The following ZFHX3 variants were observed in gnomAD, a reference collection of about 807,000 sequenced individuals.
ZFHX3 encodes zinc finger homeobox protein 3.
Under a neutral mutation model 279.1 loss-of-function variants are expected in ZFHX3, and 42 were observed. The observed-to-expected ratio is 0.15, with a 90% CI of 0.12 to 0.19. The LOEUF is 0.19. Among genes scored for constraint, ZFHX3 ranks in the 10% least tolerant of loss-of-function variants. The pLI is 1.00. For synonymous variants in ZFHX3, 2,293 were observed against 1,957.8 expected (o/e 1.17, Z -4.52); for missense variants, 4,981 against 4,754.0 (o/e 1.05, Z -1.40).
At chr16:73,114,251 C>G (rs1192581436) in intron 7 of ZFHX3, among the ~76,000 whole-genome samples, 1 of 152,082 alleles carries the variant, frequency 6.6e-6, no homozygotes, top group African/African-American at 2.4e-5. Context: ...TGGATTTTGC[C>G]TGTATGTTAC....
At chr16:73,305,335 G>C (rs1460364043) in intron 4 of ZFHX3, among the ~76,000 whole-genome samples, 1 of 152,106 alleles carries the variant, frequency 6.6e-6, no homozygotes, top group East Asian at 1.9e-4. Context: ...TTATGAAGGA[G>C]AGCAACAGAA....
intron 1 of ZFHX3, among the ~76,000 whole-genome samples, chr16:73,805,404 G>A (rs890605362): frequency 5.9e-5 from 9 of 152,098 alleles, no homozygotes; most frequent in Admixed American, 5.2e-4. Flanking sequence ...CCTGACTGCA[G>A]GTGATCCGCC....
chr16:73,187,988 A>G lies in ZFHX3; in HGVS notation c.-1103-44157T>C, dbSNP rs546331753. ...ATTCTCCTGCCTTAGTTTCCCAAGT[A>G]GTAGCTGGGACTACAGGCGCCTGCC... On this transcript the variant is annotated intron_variant, in intron 5 of 17. Transcript: ENST00000641206. 2.6e-5 allele frequency among the ~76,000 whole-genome samples: 4 copies of G among 151,964 alleles called. No individual in the cohort carries two copies. The South Asian group carries it at 8.3e-4, about 32-fold the overall frequency.
chr16:73,283,642 T>C (rs1240061112), intron 4 of ZFHX3, among the ~76,000 whole-genome samples: 2 of 152,246 alleles, frequency 1.3e-5, no homozygotes, highest in Non-Finnish European at 2.9e-5. Context: ...CTGCTCCTAC[T>C]GCCTGATTTC....
chr16:73,476,778 A>AC, intron 2 of ZFHX3, among the ~76,000 whole-genome samples: 1 of 152,312 alleles, frequency 6.6e-6, no homozygotes, highest in African/African-American at 2.4e-5. Flanking sequence ...TTCAATGTTA[A>AC]ACTAACAAGT....
intron 2 of ZFHX3, among the ~76,000 whole-genome samples, chr16:73,587,161 C>T (rs371164698): frequency 2.6e-5 from 4 of 152,036 alleles, no homozygotes; most frequent in African/African-American, 7.3e-5. Flanking sequence ...AACTCTGTTT[C>T]GAAACATCAG....
chr16:73,012,107 TCA>T (rs1238781482), intron 1 of ZFHX3, among the ~76,000 whole-genome samples: 7 of 152,186 alleles, frequency 4.6e-5, no homozygotes, highest in Non-Finnish European at 7.3e-5. Flanking sequence ...AAAAAGGCAG[TCA>T]GTCTTCTCAG....
At chr16:73,700,444 T>C (rs2053236409) in intron 1 of ZFHX3, among the ~76,000 whole-genome samples, 1 of 152,234 alleles carries the variant, frequency 6.6e-6, no homozygotes, top group South Asian at 2.1e-4. Context: ...CAAGCGTGTG[T>C]TACTTAATGA....
intron 7 of ZFHX3, among the ~76,000 whole-genome samples, chr16:73,122,041 C>T (rs946649053): frequency 2.6e-5 from 4 of 152,058 alleles, no homozygotes; most frequent in Non-Finnish European, 4.4e-5. Flanking sequence ...ATATTGTCTT[C>T]GTGTGTCTCT....
intron 8 of ZFHX3, among the ~76,000 whole-genome samples, chr16:73,087,073 GC>G (rs1299379077): frequency 6.6e-6 from 1 of 151,962 alleles, no homozygotes; most frequent in Non-Finnish European, 1.5e-5. Context: ...TATTACATGT[GC>G]CCCCCGAAAT....
At chr16:73,142,319 G>A (rs1250987106) in intron 6 of ZFHX3, among the ~76,000 whole-genome samples, 2 of 152,168 alleles carry the variant, frequency 1.3e-5, no homozygotes, top group African/African-American at 4.8e-5. Context: ...CACTGGGCAT[G>A]TTGTTTTAAT....
At chr16:73,698,027 C>A (rs2053213396) in intron 1 of ZFHX3, among the ~76,000 whole-genome samples, 1 of 151,274 alleles carries the variant, frequency 6.6e-6, no homozygotes, top group Admixed American at 6.6e-5. Context: ...GCATAAGAGA[C>A]AACTCAAAAA....
chr16:73,235,221 C>G (rs988150289), intron 5 of ZFHX3, among the ~76,000 whole-genome samples: 1 of 152,142 alleles, frequency 6.6e-6, no homozygotes. Context: ...AGGTGCCCAC[C>G]ACCACGCCTG....
At chr16:73,043,751 G>A (rs1386915837) in intron 1 of ZFHX3, among the ~76,000 whole-genome samples, 1 of 152,148 alleles carries the variant, frequency 6.6e-6, no homozygotes, top group Non-Finnish European at 1.5e-5. Flanking sequence ...TCTGTCCTCA[G>A]TTTCTGTCCA....
intron 1 of ZFHX3, among the ~76,000 whole-genome samples, chr16:73,836,546 G>C (rs909271900): frequency 4.6e-5 from 7 of 152,176 alleles, no homozygotes; most frequent in African/African-American, 1.7e-4. Context: ...ACAATGTTCT[G>C]TACACATTCT....
At chr16:73,649,233 A>C (rs1260282399) in intron 2 of ZFHX3, among the ~76,000 whole-genome samples, 1 of 152,178 alleles carries the variant, frequency 6.6e-6, no homozygotes, top group Admixed American at 6.5e-5. Context: ...AAAATAAGTC[A>C]CATTATACTC....
intron 1 of ZFHX3, among the ~76,000 whole-genome samples, chr16:73,750,205 G>A (rs552708032): frequency 6.6e-6 from 1 of 152,178 alleles, no homozygotes; most frequent in Admixed American, 6.5e-5. Flanking sequence ...TCCATAAAGG[G>A]AAGGCTGGAT....
chr16:73,024,572 T>C (rs552894674), intron 1 of ZFHX3, among the ~76,000 whole-genome samples: 1 of 152,286 alleles, frequency 6.6e-6, no homozygotes, highest in South Asian at 2.1e-4. Context: ...GGACTGGGAA[T>C]GCAATGATAA....
At chr16:73,724,448 G>T (rs929206427) in intron 1 of ZFHX3, among the ~76,000 whole-genome samples, 4 of 152,196 alleles carry the variant, frequency 2.6e-5, no homozygotes, top group Non-Finnish European at 5.9e-5. Context: ...GGGCAACCAG[G>T]TGTCATCATT....
Sources: gnomAD v4.1 joint callset for allele counts (sites outside exome capture counted in the v4.1 genomes callset) on GRCh38, gnomAD v4.1.1 for gene constraint, MANE v1.5 for transcripts, NCBI Gene and HGNC (gene_info 2026-07-23, HGNC 2026-07-21) for gene names.